WASHC2C: variants seen among roughly 807,000 people sequenced by gnomAD.
The protein encoded by WASHC2C is WASH complex subunit 2C, also known as Vaccinia Penetration Factor.
Under a neutral mutation model 142.2 loss-of-function variants are expected in WASHC2C, and 73 were observed. That is an observed-to-expected ratio of 0.51 (90% CI 0.43 to 0.62). The LOEUF (loss-of-function observed/expected upper bound fraction) is 0.62, where lower values mean the gene tolerates loss of function less well. WASHC2C is among the 20% of genes least tolerant of loss of function. The pLI is 0.00. For synonymous variants in WASHC2C, 337 were observed against 565.5 expected, an observed-to-expected ratio of 0.60 and a Z score of 5.73; for missense variants, 969 against 1,531.7, an observed-to-expected ratio of 0.63 and a Z score of 6.13.
Position 45,785,524 on chromosome 10 carries a change from A to T in WASHC2C, c.2704A>T (p.Arg902Ter). Reference protein sequence around the residue: ...KSQPLVQEKKRVVKKDHSVNS... With the variant: ...KSQPLVQEKK Reference sequence around the variant, plus strand: ...TCTTTTGAAGGTACAAGAGAAAAAGAGAGTAGTGAAAAAAGACCACTCTGT... The same window carrying T: ...TCTTTTGAAGGTACAAGAGAAAAAGTGAGTAGTGAAAAAAGACCACTCTGT... Residue 902 changes from arginine (R) to a stop codon, truncating the protein, a stop_gained, in exon 26 of 31, where the codon AGA becomes TGA. Coordinates refer to ENST00000623400, the MANE Select transcript of WASHC2C (RefSeq NM_001330074.2). LOFTEE classifies it high-confidence loss of function. 8 of 1,613,862 alleles carry T rather than the reference A, an allele frequency of 5.0e-6. No homozygotes were observed. The highest frequency in any genetic ancestry group is 6.8e-6 in the Non-Finnish European group (8 of 1,179,836).
intron 23 of WASHC2C, among the ~76,000 whole-genome samples, chr10:45,784,281 T>C (rs1255152394): frequency 0.044 from 395 of 9,034 alleles, 10 homozygotes; most frequent in South Asian, 0.083. Context: ...TATATATATA[T>C]ATATATATAC....
At chr10:45,754,300 A>C (rs554362261) in intron 13 of WASHC2C, among the ~76,000 whole-genome samples, 186 bp from the exon 14 acceptor site, 11 of 151,570 alleles carry the variant, frequency 7.3e-5, no homozygotes, top group Middle Eastern at 3.4e-3. Context: ...TGTTAATCCC[A>C]AAAAAAAAGT....
chr10:45,785,600 A>C lies in WASHC2C; in HGVS notation c.2780A>C (p.Glu927Ala). The C allele has an allele frequency of 6.2e-7, 1 of 1,613,906 alleles. No individual in the cohort carries two copies. The highest frequency in any genetic ancestry group is 8.5e-7 in the Non-Finnish European group (1 of 1,179,840). The change falls in exon 26 of 31, where the codon GAA becomes GCA. Residue 927 changes from glutamate (E) to alanine (A), a missense_variant. Physicochemically the swap from Glu to Ala is moderately radical, Grantham distance 107. Transcript: ENST00000623400. ...CCTGAATCCATTCAAGGTAGTAAAG[A>C]AAAAGGCATATGGAAGCCGGAAACA... ...KHPESIQGSK[E>A]KGIWKPETPQ... is the part of the protein sequence containing the mutation.
At chr10:45,747,474 GT>G (rs1415994258) in intron 8 of WASHC2C, among the ~76,000 whole-genome samples, 1 of 152,132 alleles carries the variant, frequency 6.6e-6, no homozygotes, top group Non-Finnish European at 1.5e-5. Context: ...TGCAGTTTGC[GT>G]TGTAAACTTC....
chr10:45,762,624 G>A (rs1358205124), intron 17 of WASHC2C, among the ~76,000 whole-genome samples: 16 of 152,198 alleles, frequency 1.1e-4, no homozygotes, highest in Non-Finnish European at 2.1e-4. Context: ...GAAATAAGTC[G>A]GCCGGGTGTG....
At chr10:45,783,432 G>A (rs2057673455) in intron 23 of WASHC2C, among the ~76,000 whole-genome samples, 1 of 152,114 alleles carries the variant, frequency 6.6e-6, no homozygotes. Context: ...TTAGAAGTAA[G>A]TTTTTCATTA....
chr10:45,752,614 C>G lies in WASHC2C; in HGVS notation c.1030C>G (p.Pro344Ala), dbSNP rs782350495. The G allele has an allele frequency of 3.7e-6, 6 of 1,609,906 alleles. No individual in the cohort carries two copies. The East Asian group carries it at 1.3e-4, about 36-fold the overall frequency. ...TGAAGAGGATAACTTATTCGCACCCCCCAAGCTGACCGACGAGGACTTCTC... is the reference window on the plus strand; with the variant it reads ...TGAAGAGGATAACTTATTCGCACCCGCCAAGCTGACCGACGAGGACTTCTC... ...DDEEDNLFAP[P>A]KLTDEDFSPF... The change falls in exon 12 of 31, where the codon CCC becomes GCC. Residue 344 changes from proline (P) to alanine (A), a missense_variant. Pro to Ala is a conservative substitution (Grantham distance 27). Coordinates refer to ENST00000623400, the MANE Select transcript of WASHC2C (RefSeq NM_001330074.2).
chr10:45,786,935 T>C (rs1453751927), intron 27 of WASHC2C, 100 bp from the exon 28 acceptor site: 2 of 1,611,712 alleles, frequency 1.2e-6, no homozygotes, highest in East Asian at 2.2e-5. Flanking sequence ...ACTCCTCTCG[T>C]ATTATACATT....
chr10:45,773,892 C>CAAAAA (rs71023148), intron 21 of WASHC2C, among the ~76,000 whole-genome samples: 4 of 31,086 alleles, frequency 1.3e-4, no homozygotes, highest in Admixed American at 4.0e-4. Flanking sequence ...TACTGCAGGC[C>CAAAAA]AAAAAAAAAA....
At chr10:45,763,964 A>G (rs529382847) in intron 18 of WASHC2C, among the ~76,000 whole-genome samples, 149 of 152,268 alleles carry the variant, frequency 9.8e-4, no homozygotes, top group African/African-American at 3.3e-3. Context: ...GGCCTCCCTA[A>G]GTGCTAGGAT....
At chr10:45,729,049 A>C (rs2597047) in intron 3 of WASHC2C, 23 bp downstream of exon 3, 9 of 1,596,872 alleles carry the variant, frequency 5.6e-6, no homozygotes, top group South Asian at 2.3e-5. Flanking sequence ...GTTATATTAT[A>C]ATTCCTTTTT....
intron 2 of WASHC2C, among the ~76,000 whole-genome samples, chr10:45,727,830 T>C (rs2050069449): frequency 6.6e-6 from 1 of 152,078 alleles, no homozygotes. Flanking sequence ...GCTCGGGCAC[T>C]AGGGAGGCGA....
chr10:45,749,902 T>G (rs187724651), intron 8 of WASHC2C, among the ~76,000 whole-genome samples, 194 bp from the exon 9 acceptor site: 4 of 145,436 alleles, frequency 2.8e-5, no homozygotes, highest in African/African-American at 1.0e-4. Context: ...TTATATATTT[T>G]TTTTCTTAGA....
At chr10:45,776,101 A>T (rs1554886327) in intron 21 of WASHC2C, among the ~76,000 whole-genome samples, 1 of 152,162 alleles carries the variant, frequency 6.6e-6, no homozygotes, top group East Asian at 1.9e-4. Flanking sequence ...GTGTTCTTTT[A>T]TGTCAAGTTC....
At chr10:45,745,969 G>A (rs1488435896) in intron 7 of WASHC2C, among the ~76,000 whole-genome samples, 2 of 113,194 alleles carry the variant, frequency 1.8e-5, no homozygotes, top group African/African-American at 7.1e-5. Context: ...CCCTTCCTGT[G>A]TCCATGTGAT....
intron 23 of WASHC2C, among the ~76,000 whole-genome samples, chr10:45,782,557 C>T (rs1279586675): frequency 1.3e-5 from 2 of 150,078 alleles, no homozygotes; most frequent in African/African-American, 4.9e-5. Flanking sequence ...GTTTGCTGTT[C>T]TTCAAATTCT....
chr10:45,772,044 C>T (rs1237587754), intron 20 of WASHC2C, among the ~76,000 whole-genome samples: 9 of 152,316 alleles, frequency 5.9e-5, no homozygotes, highest in South Asian at 4.1e-4. Context: ...TATAACCATA[C>T]GATAGACTGT....
At chr10:45,772,413 C>A (rs150100743) in intron 20 of WASHC2C, among the ~76,000 whole-genome samples, 1 of 152,210 alleles carries the variant, frequency 6.6e-6, no homozygotes, top group Non-Finnish European at 1.5e-5. Flanking sequence ...TTGAAGTGTA[C>A]GCACTTTAAA....
At chr10:45,749,932 A>G (rs1160678719) in intron 8 of WASHC2C, among the ~76,000 whole-genome samples, 164 bp from the exon 9 acceptor site, 12 of 142,840 alleles carry the variant, frequency 8.4e-5, no homozygotes, top group African/African-American at 2.3e-4. Context: ...AATCTTGTGT[A>G]TTATTTCTTC....
Sources: gnomAD v4.1 joint callset for allele counts (sites outside exome capture counted in the v4.1 genomes callset) on GRCh38, gnomAD v4.1.1 for gene constraint, MANE v1.5 for transcripts, NCBI Gene and HGNC (gene_info 2026-07-23, HGNC 2026-07-21) for gene names.